The following TTC13 variants were observed in gnomAD, a reference collection of about 807,000 sequenced individuals.
The protein encoded by TTC13 is tetratricopeptide repeat protein 13.
TTC13 carries 62 observed loss-of-function variants against 120.0 expected under a neutral mutation model. That is an observed-to-expected ratio of 0.52 (90% CI 0.42 to 0.64). The LOEUF is 0.64. TTC13 is among the 30% of genes least tolerant of loss of function. The probability of loss-of-function intolerance (pLI) is 0.00; values close to 1 mark genes in which losing one functional copy is unlikely to be tolerated. For missense variants in TTC13, 824 were observed against 1,050.2 expected, an observed-to-expected ratio of 0.78 and a Z score of 2.98; for synonymous variants, 384 against 393.5, an observed-to-expected ratio of 0.98 and a Z score of 0.28.
At chr1:230,968,246 T>A (rs1306806329) in intron 1 of TTC13, among the ~76,000 whole-genome samples, 1 of 148,882 alleles carries the variant, frequency 6.7e-6, no homozygotes, top group African/African-American at 2.4e-5. Context: ...ATAAAAGCAA[T>A]CGCCTTAGCC....
intron 1 of TTC13, among the ~76,000 whole-genome samples, chr1:230,970,954 C>G (rs192304366): frequency 1.3e-5 from 2 of 152,302 alleles, no homozygotes; most frequent in East Asian, 3.9e-4. Flanking sequence ...GAAGAGAAGA[C>G]AGAATTCTTG....
intron 3 of TTC13, among the ~76,000 whole-genome samples, chr1:230,957,186 T>C (rs1316729797): frequency 6.6e-6 from 1 of 152,128 alleles, no homozygotes; most frequent in Non-Finnish European, 1.5e-5. Context: ...ATTTTCAAAA[T>C]AGCACCCTGG....
chr1:230,963,991 C>T (rs1205582815), intron 1 of TTC13, among the ~76,000 whole-genome samples: 3 of 152,132 alleles, frequency 2.0e-5, no homozygotes, highest in Non-Finnish European at 4.4e-5. Context: ...TGGAAACATA[C>T]ACATTTATAA....
chr1:230,931,552 T>A, intron 10 of TTC13, 80 bp from the exon 11 acceptor site: 1 of 1,547,216 alleles, frequency 6.5e-7, no homozygotes, highest in South Asian at 1.2e-5. Flanking sequence ...TGGAATTAGT[T>A]TTCCCTCCAG....
At chr1:230,933,353 G>A (rs1673740770) in intron 9 of TTC13, among the ~76,000 whole-genome samples, 1 of 151,894 alleles carries the variant, frequency 6.6e-6, no homozygotes, top group Non-Finnish European at 1.5e-5. Flanking sequence ...CCAAGTTCTA[G>A]TTACAACTTC....
intron 12 of TTC13, among the ~76,000 whole-genome samples, chr1:230,926,314 CCAAGGGTCCT>C (rs1414037739): frequency 1.3e-5 from 2 of 152,032 alleles, no homozygotes; most frequent in Non-Finnish European, 2.9e-5. Flanking sequence ...TCACAAGCTT[CCAAGGGTCCT>C]CTCCCAAGGA....
chr1:230,975,079 T>C (rs904402400), intron 1 of TTC13, among the ~76,000 whole-genome samples: 1 of 152,036 alleles, frequency 6.6e-6, no homozygotes, highest in Non-Finnish European at 1.5e-5. Flanking sequence ...AAAATGGGGA[T>C]TAAAAACAGC....
At chr1:230,955,252 A>G (rs1325428088) in intron 3 of TTC13, among the ~76,000 whole-genome samples, 3 of 152,186 alleles carry the variant, frequency 2.0e-5, no homozygotes, top group Non-Finnish European at 4.4e-5. Flanking sequence ...TTTATTTGCA[A>G]AAAAGCTCTT....
rs530037109 is a variant in TTC13, at chr1:230,967,777, T to C, written c.272-6474A>G. 1.1e-4 allele frequency among the ~76,000 whole-genome samples: 16 copies of C among 152,336 alleles called. No individual in the cohort carries two copies. In the East Asian group the frequency reaches 2.1e-3, roughly 20 times the overall value. On this transcript the variant is annotated intron_variant, in intron 1 of 22. Coordinates refer to ENST00000366661, the MANE Select transcript of TTC13 (RefSeq NM_024525.5). ...TACTTTACTATCATAAATGATTATA[T>C]TAAAGGATAACTACTTAATATAATA...
chr1:230,956,552 A>T (rs1377481226), intron 3 of TTC13: 1 of 397,918 alleles, frequency 2.5e-6, no homozygotes, highest in Middle Eastern at 3.6e-4. Flanking sequence ...TCCCATAATC[A>T]GTAAATATCT....
In TTC13 at chr1:230,940,189, TTC is replaced by T. The variant is rs760299147; in HGVS notation, c.789+249_789+250del. Among the ~76,000 whole-genome samples, 2 of 152,208 alleles carry T rather than the reference TTC, an allele frequency of 1.3e-5. No homozygotes were observed. Among genetic ancestry groups the T allele is most frequent in the African/African-American group, 4.8e-5 (2 of 41,458 alleles). The stretch of plus-strand genomic sequence containing the variant: ...TACAATCCACAAACTAAATTTATCT[TTC>T]TCTCTCTTTTTTTAAATGCCAGTCC... On this transcript the variant is annotated intron_variant, in intron 7 of 22. Coordinates refer to ENST00000366661, the MANE Select transcript of TTC13 (RefSeq NM_024525.5). The surrounding 1 kb of genome is among the most constrained non-coding windows in gnomAD (Gnocchi z 4.1).
chr1:230,915,750 T>C (rs1308624132), intron 18 of TTC13, among the ~76,000 whole-genome samples: 1 of 152,074 alleles, frequency 6.6e-6, no homozygotes, highest in African/African-American at 2.4e-5. Flanking sequence ...AATAAGATTA[T>C]ACTACTCATT....
chr1:230,930,735 T>C (rs369383067), intron 11 of TTC13, among the ~76,000 whole-genome samples: 1 of 152,254 alleles, frequency 6.6e-6, no homozygotes, highest in East Asian at 1.9e-4. Context: ...CTGGCCAACA[T>C]GGTGAAACCC....
At position 230,931,305 on chromosome 1, in the gene TTC13, ATACTT is replaced by A. The variant is rs746203761; in HGVS notation, c.1288_1292del (p.Lys430SerfsTer13). ...TGTGATTTTCTGACTTACCTCGGAG[ATACTT>A]TACTTTAAGATACTCAGGGCTAGCC... is the stretch of plus-strand genomic sequence containing the variant. On this transcript the variant is annotated frameshift_variant, in exon 11 of 23. Coordinates refer to ENST00000366661, the MANE Select transcript of TTC13 (RefSeq NM_024525.5). LOFTEE classifies it high-confidence loss of function. 1.2e-6 allele frequency: 2 copies of A among 1,613,254 alleles called. No homozygotes were observed. The highest frequency in any genetic ancestry group is 1.7e-6 in the Non-Finnish European group (2 of 1,179,864).
At chr1:230,930,001 A>G (rs931919160) in intron 11 of TTC13, among the ~76,000 whole-genome samples, 7 of 152,230 alleles carry the variant, frequency 4.6e-5, no homozygotes, top group Non-Finnish European at 8.8e-5. Flanking sequence ...AACTTTATTT[A>G]ATTTGAATTA....
At chr1:230,933,262 C>T (rs1477372514) in intron 9 of TTC13, among the ~76,000 whole-genome samples, 3 of 151,900 alleles carry the variant, frequency 2.0e-5, no homozygotes, top group Non-Finnish European at 4.4e-5. Flanking sequence ...GATGAGCCAC[C>T]GCTCCCGGCT....
At position 230,916,216 on chromosome 1, in the gene TTC13, G is replaced by A; in HGVS notation, c.2070C>T (p.Phe690=). The A allele has an allele frequency of 6.2e-7, 1 of 1,613,698 alleles. No individual in the cohort carries two copies. Among genetic ancestry groups the A allele is most frequent in the Non-Finnish European group, 8.5e-7 (1 of 1,179,646 alleles). ...LKDQGKEYDG[F]TITITGDKVG... The stretch of plus-strand genomic sequence containing the variant: ...ACTTGTCTCCTGTAATCGTGATTGT[G>A]AATCCATCATATTCCTTCCCTTGGT... The change falls in exon 18 of 23, where the codon TTC becomes TTT. Residue 690 remains phenylalanine (F), a synonymous_variant. Transcript: ENST00000366661.
chr1:230,961,351 C>A, intron 1 of TTC13, 48 bp from the exon 2 acceptor site: 1 of 1,334,560 alleles, frequency 7.5e-7, no homozygotes, highest in South Asian at 1.2e-5. Context: ...AATTTATGCT[C>A]TTAGGTGCTT....
chr1:230,976,584 G>C (rs1484639792), intron 1 of TTC13, among the ~76,000 whole-genome samples: 1 of 152,118 alleles, frequency 6.6e-6, no homozygotes, highest in East Asian at 1.9e-4. Flanking sequence ...AGCACCTGTT[G>C]GTAGCTACTC....
Sources: gnomAD v4.1 joint callset for allele counts (sites outside exome capture counted in the v4.1 genomes callset) on GRCh38, gnomAD v4.1.1 for gene constraint, Gnocchi (gnomAD v3.1) non-coding constraint, MANE v1.5 for transcripts, NCBI Gene and HGNC (gene_info 2026-07-23, HGNC 2026-07-21) for gene names.